The following CAMTA1 variants were observed in gnomAD, a reference collection of about 807,000 sequenced individuals.
The protein encoded by CAMTA1 is calmodulin-binding transcription activator 1.
A neutral mutation model predicts 170.9 loss-of-function variants in CAMTA1; 27 were observed. The ratio of observed to expected loss-of-function variants is 0.16; its 90% CI spans 0.12 to 0.22. The LOEUF (loss-of-function observed/expected upper bound fraction) is 0.22, where lower values mean the gene tolerates loss of function less well. CAMTA1 is among the 10% of genes least tolerant of loss of function. CAMTA1 has a pLI of 1.00. For missense variants in CAMTA1, 1,619 were observed against 2,217.2 expected (o/e 0.73, Z 5.42); for synonymous variants, 833 against 891.5 (o/e 0.93, Z 1.17).
intron 5 of CAMTA1, among the ~76,000 whole-genome samples, chr1:7,429,617 G>A (rs1397635490): frequency 6.6e-6 from 1 of 151,426 alleles, no homozygotes; most frequent in African/African-American, 2.4e-5. Context: ...GCTGATGGTG[G>A]TGATGGTGAT....
intron 6 of CAMTA1, among the ~76,000 whole-genome samples, chr1:7,468,629 T>G (rs565652333): frequency 6.6e-6 from 1 of 152,350 alleles, no homozygotes; most frequent in Non-Finnish European, 1.5e-5. Context: ...TAGGTCCTTT[T>G]CAAAATGCAT....
In CAMTA1 at chr1:7,044,799, C is replaced by T. The variant is rs147173808; in HGVS notation, c.235-46505C>T. 6.6e-6 allele frequency among the ~76,000 whole-genome samples: 1 copy of T among 150,706 alleles called. No homozygotes were observed. The highest frequency in any genetic ancestry group is 2.0e-4 in the East Asian group (1 of 4,986). On this transcript the variant is annotated intron_variant, in intron 3 of 22. Transcript: ENST00000303635. This position sits in a 1 kb window ranked among gnomAD's most constrained non-coding sequence, Gnocchi z 5.0. ...CTGGCGCATCTTTCCCCCTCACGTCCTCTCCCCCACTCCCTCCTCTTCCCG... is the reference window on the plus strand; with the variant it reads ...CTGGCGCATCTTTCCCCCTCACGTCTTCTCCCCCACTCCCTCCTCTTCCCG...
At chr1:6,974,755 G>A (rs570634451) in intron 3 of CAMTA1, among the ~76,000 whole-genome samples, 4 of 152,380 alleles carry the variant, frequency 2.6e-5, no homozygotes, top group African/African-American at 9.6e-5. Context: ...TGGCAAAGAC[G>A]CATTGCATTT....
At chr1:7,449,671 G>A (rs1282284822) in intron 5 of CAMTA1, among the ~76,000 whole-genome samples, 1 of 151,726 alleles carries the variant, frequency 6.6e-6, no homozygotes, top group African/African-American at 2.4e-5. Flanking sequence ...TTGGGAGGCT[G>A]GGGCAGGAGA....
At position 7,300,474 on chromosome 1, in the gene CAMTA1, C is replaced by T. The variant is rs910478909; in HGVS notation, c.438+50848C>T. Among the ~76,000 whole-genome samples the T allele has an allele frequency of 3.9e-5, 6 of 152,288 alleles. No homozygotes were observed. In the East Asian group the frequency reaches 9.6e-4, roughly 24 times the overall value. On this transcript the variant is annotated intron_variant, in intron 5 of 22. Transcript: ENST00000303635. The surrounding 1 kb of genome is among the most constrained non-coding windows in gnomAD (Gnocchi z 4.1). The stretch of plus-strand genomic sequence containing the variant: ...GGCGGATCACCTGAGGTCAGGAGTT[C>T]GAGACCAGCCTGGCCAACATGGTGA...
chr1:7,542,672 G>A (rs1264283459), intron 6 of CAMTA1, among the ~76,000 whole-genome samples: 11 of 149,376 alleles, frequency 7.4e-5, no homozygotes, highest in Non-Finnish European at 1.0e-4. Context: ...GGGATTACAG[G>A]TGTGTGCCAC....
At chr1:6,952,506 T>C (rs1688688844) in intron 3 of CAMTA1, among the ~76,000 whole-genome samples, 1 of 150,456 alleles carries the variant, frequency 6.6e-6, no homozygotes, top group Non-Finnish European at 1.5e-5. Flanking sequence ...TATTTAAATA[T>C]GTATTATATT....
At chr1:7,242,726 A>C (rs1176731948) in intron 4 of CAMTA1, among the ~76,000 whole-genome samples, 1 of 152,034 alleles carries the variant, frequency 6.6e-6, no homozygotes, top group African/African-American at 2.4e-5. Context: ...CAGGAGATCG[A>C]GACCATCCTG....
At chr1:7,071,052 G>A (rs1030122649) in intron 3 of CAMTA1, among the ~76,000 whole-genome samples, 4 of 152,234 alleles carry the variant, frequency 2.6e-5, no homozygotes, top group African/African-American at 9.6e-5. Flanking sequence ...GAGAGAGAGT[G>A]TGCCAGTCAG....
chr1:6,896,961 T>A (rs971415506), intron 3 of CAMTA1, among the ~76,000 whole-genome samples: 1 of 152,168 alleles, frequency 6.6e-6, no homozygotes, highest in African/African-American at 2.4e-5. Context: ...AACTTCCCAG[T>A]TAATTTATAG....
chr1:6,822,232 T>C (rs922258969), intron 2 of CAMTA1, among the ~76,000 whole-genome samples: 4 of 152,180 alleles, frequency 2.6e-5, no homozygotes, highest in Non-Finnish European at 4.4e-5. Flanking sequence ...CTGGTGCATG[T>C]GTTTAGTTAT....
intron 5 of CAMTA1, among the ~76,000 whole-genome samples, chr1:7,343,144 T>C (rs912816323): frequency 1.4e-4 from 22 of 152,228 alleles, no homozygotes; most frequent in Non-Finnish European, 1.2e-4. Context: ...CAAACTTTCC[T>C]TTCAGGACTC....
At position 7,679,801 on chromosome 1, in the gene CAMTA1, G is replaced by C. The variant is rs555600593; in HGVS notation, c.2914+2068G>C. Reference sequence around the variant, plus strand: ...CAGCTCAGAGCGCCCTGCTGAACCAGAGGGGACCAGCCTGGGGTCCACCTC... The same window carrying C: ...CAGCTCAGAGCGCCCTGCTGAACCACAGGGGACCAGCCTGGGGTCCACCTC... On this transcript the variant is annotated intron_variant, in intron 11 of 22. Transcript: ENST00000303635. 2.4e-3 allele frequency among the ~76,000 whole-genome samples: 362 copies of C among 152,350 alleles called. 4 individuals carry two copies. Among genetic ancestry groups the C allele is most frequent in the African/African-American group, 8.2e-3 (341 of 41,590 alleles).
intron 3 of CAMTA1, among the ~76,000 whole-genome samples, chr1:7,078,300 T>C (rs1639574940): frequency 6.6e-6 from 1 of 152,208 alleles, no homozygotes. Context: ...ATCTGTGCTC[T>C]TTTAGGCTCT....
chr1:7,490,284 C>T (rs1442940112), intron 6 of CAMTA1, among the ~76,000 whole-genome samples: 1 of 152,230 alleles, frequency 6.6e-6, no homozygotes, highest in Non-Finnish European at 1.5e-5. Flanking sequence ...TAGGAATGTG[C>T]GGTCACTGCC....
chr1:7,338,553 C>T (rs563943213), intron 5 of CAMTA1, among the ~76,000 whole-genome samples: 133 of 152,288 alleles, frequency 8.7e-4, no homozygotes, highest in African/African-American at 3.1e-3. Context: ...TGATGCTCTT[C>T]CAAGTGTTGG....
At chr1:7,469,828 T>C (rs188501625) in intron 6 of CAMTA1, among the ~76,000 whole-genome samples, 352 of 152,352 alleles carry the variant, frequency 2.3e-3, no homozygotes, top group African/African-American at 7.3e-3. Context: ...CAAGCTGCAT[T>C]CTGCTCATTC....
rs541443880 is a variant in CAMTA1 at position 7,456,519 on chromosome 1, A to G, written c.439-11311A>G. Among the ~76,000 whole-genome samples the G allele has an allele frequency of 4.6e-5, 7 of 152,364 alleles. No homozygotes were observed. The highest frequency in any genetic ancestry group is 1.7e-4 in the African/African-American group (7 of 41,592). Reference sequence around the variant, plus strand: ...CATTGAAATAGGCTAAAAGAACAAGAGCCAGTGGGTGGGAGATAACTGAGC... The same window carrying G: ...CATTGAAATAGGCTAAAAGAACAAGGGCCAGTGGGTGGGAGATAACTGAGC... On this transcript the variant is annotated intron_variant, in intron 5 of 22. Transcript: ENST00000303635. This position sits in a 1 kb window ranked among gnomAD's most constrained non-coding sequence, Gnocchi z 4.9.
At chr1:6,941,118 G>T (rs531902677) in intron 3 of CAMTA1, among the ~76,000 whole-genome samples, 3 of 152,040 alleles carry the variant, frequency 2.0e-5, no homozygotes, top group South Asian at 2.1e-4. Context: ...ACTGAGGTTC[G>T]CCGACTTCCA....
Sources: allele counts gnomAD v4.1 joint callset (sites outside exome capture counted in the v4.1 genomes callset), GRCh38; gene constraint gnomAD v4.1.1; non-coding constraint Gnocchi (gnomAD v3.1); transcripts MANE v1.5; gene names NCBI Gene and HGNC (gene_info 2026-07-23, HGNC 2026-07-21).